Variants in XYLT1 observed in about 807,000 individuals in gnomAD.
The protein encoded by XYLT1 is beta-D-xylosyltransferase 1.
Under a neutral mutation model 91.3 loss-of-function variants are expected in XYLT1, and 36 were observed. The observed-to-expected ratio is 0.39, with a 90% CI of 0.30 to 0.52. The LOEUF is 0.52. XYLT1 is among the 20% of genes least tolerant of loss of function. The pLI, the probability that XYLT1 is intolerant of heterozygous loss-of-function variation, is 0.68. For synonymous variants in XYLT1, 588 were observed against 532.0 expected (o/e 1.11, Z -1.45); for missense variants, 1,242 against 1,284.5 (o/e 0.97, Z 0.51).
chr16:17,450,945 G>C (rs61631548), intron 1 of XYLT1, among the ~76,000 whole-genome samples: 2,804 of 152,262 alleles, frequency 0.018, 84 homozygotes, highest in African/African-American at 0.064. Context: ...TTCCGAGTTG[G>C]GGACATCATC....
At chr16:17,349,054 T>C (rs4781996) in intron 2 of XYLT1, among the ~76,000 whole-genome samples, 59,240 of 152,108 alleles carry the variant, frequency 0.39, 11,951 homozygotes, top group Admixed American at 0.49. Flanking sequence ...GGGGGTGCCC[T>C]GAGAGAAGAT....
chr16:17,297,747 C>T (rs1380611540), intron 2 of XYLT1, among the ~76,000 whole-genome samples: 2 of 151,570 alleles, frequency 1.3e-5, no homozygotes, highest in African/African-American at 4.9e-5. Context: ...AAAGGCCGGG[C>T]GCGGTGGCTC....
At chr16:17,308,340 T>G (rs527401546) in intron 2 of XYLT1, among the ~76,000 whole-genome samples, 1 of 152,350 alleles carries the variant, frequency 6.6e-6, no homozygotes, top group East Asian at 1.9e-4. Flanking sequence ...CCAAGTTGAC[T>G]AAGCCTGCTT....
At chr16:17,270,234 T>C (rs546053040) in intron 2 of XYLT1, among the ~76,000 whole-genome samples, 8 of 152,256 alleles carry the variant, frequency 5.3e-5, no homozygotes, top group African/African-American at 9.6e-5. Flanking sequence ...ACCCCTTTCA[T>C]AGGGTCTGGC....
chr16:17,346,290 T>C (rs2035143054), intron 2 of XYLT1, among the ~76,000 whole-genome samples: 2 of 152,146 alleles, frequency 1.3e-5, no homozygotes, highest in South Asian at 4.1e-4. Context: ...ACTGCCCTTG[T>C]CCACTTTGCA....
intron 2 of XYLT1, among the ~76,000 whole-genome samples, chr16:17,345,243 G>A (rs1375135767): frequency 6.6e-6 from 1 of 152,248 alleles, no homozygotes; most frequent in Non-Finnish European, 1.5e-5. Flanking sequence ...GGCAAAAAAT[G>A]TCCCAGCTTG....
chr16:17,253,831 A>AGG (rs1478512784), intron 3 of XYLT1, among the ~76,000 whole-genome samples: 1 of 136,472 alleles, frequency 7.3e-6, no homozygotes, highest in Non-Finnish European at 1.6e-5. Context: ...CTTGAGAGAG[A>AGG]GAGAGAGAGA....
intron 2 of XYLT1, among the ~76,000 whole-genome samples, chr16:17,321,345 T>TC (rs1191410192): frequency 2.9e-3 from 61 of 21,258 alleles, no homozygotes; most frequent in Non-Finnish European, 3.2e-3. Context: ...AACTAGCCTT[T>TC]TTTTTTTTTT....
chr16:17,455,900 G>C (rs993937161), intron 1 of XYLT1, among the ~76,000 whole-genome samples: 4 of 152,192 alleles, frequency 2.6e-5, no homozygotes, highest in Non-Finnish European at 5.9e-5. Context: ...GGCCAGGTCT[G>C]GCTTCCATTT....
chr16:17,398,154 G>A (rs765691282), intron 1 of XYLT1, among the ~76,000 whole-genome samples: 3 of 152,102 alleles, frequency 2.0e-5, no homozygotes, highest in Admixed American at 6.5e-5. Context: ...GTCACCAAAG[G>A]ACTGACAAGG....
chr16:17,241,999 A>G (rs1204752150), intron 3 of XYLT1, among the ~76,000 whole-genome samples: 2 of 152,220 alleles, frequency 1.3e-5, no homozygotes, highest in Non-Finnish European at 2.9e-5. Flanking sequence ...CAGGCAAGAG[A>G]TAACTTCAGC....
At chr16:17,141,593 A>G (rs367688331) in intron 6 of XYLT1, among the ~76,000 whole-genome samples, 4 of 152,246 alleles carry the variant, frequency 2.6e-5, no homozygotes, top group African/African-American at 7.2e-5. Context: ...TTTGACCCCC[A>G]ACTTTCATAT....
rs2031478280 is a variant in XYLT1, at chr16:17,158,816, G to T, written c.1370+13C>A. Reference sequence around the variant, plus strand: ...ATTTCCATTTTGTACAGGGGTAGGGGTTGAGGTGCTACCTTGCATTGTCCC... The same window carrying T: ...ATTTCCATTTTGTACAGGGGTAGGGTTTGAGGTGCTACCTTGCATTGTCCC... On this transcript the variant is annotated intron_variant, in intron 6 of 11. Transcript: ENST00000261381. 1 of 1,613,770 alleles carries T rather than the reference G, an allele frequency of 6.2e-7. No homozygotes were observed. Among genetic ancestry groups the T allele is most frequent in the African/African-American group, 1.3e-5 (1 of 75,026 alleles).
intron 5 of XYLT1, 188 bp downstream of exon 5, chr16:17,198,024 T>G: frequency 1.5e-6 from 1 of 663,500 alleles, no homozygotes; most frequent in Admixed American, 2.9e-5. Flanking sequence ...ACGTGCTCAG[T>G]CTCTATCTGT....
intron 1 of XYLT1, among the ~76,000 whole-genome samples, chr16:17,428,368 C>A (rs996079053): frequency 6.6e-6 from 1 of 152,162 alleles, no homozygotes; most frequent in Non-Finnish European, 1.5e-5. Flanking sequence ...TTACACCTGA[C>A]CCTGTCACTT....
At chr16:17,236,830 G>A (rs1310182489) in intron 3 of XYLT1, among the ~76,000 whole-genome samples, 1 of 152,106 alleles carries the variant, frequency 6.6e-6, no homozygotes, top group Non-Finnish European at 1.5e-5. Context: ...TTTTTATACG[G>A]ACACAGTCAT....
chr16:17,185,169 A>C (rs2141572529), intron 5 of XYLT1, among the ~76,000 whole-genome samples: 1 of 152,390 alleles, frequency 6.6e-6, no homozygotes, highest in East Asian at 1.9e-4. Flanking sequence ...CAGGAGACCC[A>C]GGACAACTGG....
chr16:17,384,696 G>T (rs2035725951), intron 1 of XYLT1, among the ~76,000 whole-genome samples: 1 of 151,668 alleles, frequency 6.6e-6, no homozygotes, highest in Non-Finnish European at 1.5e-5. Context: ...ATCTAACTTT[G>T]CAACTCCTGC....
At chr16:17,186,165 G>GATTGCAGTGGCA (rs2032178520) in intron 5 of XYLT1, among the ~76,000 whole-genome samples, 1 of 151,902 alleles carries the variant, frequency 6.6e-6, no homozygotes, top group Non-Finnish European at 1.5e-5. Context: ...GTGCAGTGGC[G>GATTGCAGTGGCA]CGATCTCGGC....
Sources: allele counts gnomAD v4.1 joint callset (sites outside exome capture counted in the v4.1 genomes callset), GRCh38; gene constraint gnomAD v4.1.1; transcripts MANE v1.5; gene names NCBI Gene and HGNC (gene_info 2026-07-23, HGNC 2026-07-21).